SORBS2: variants seen among roughly 807,000 people sequenced by gnomAD.
SORBS2 encodes sorbin and SH3 domain-containing protein 2.
SORBS2 carries 46 observed loss-of-function variants against 97.7 expected under a neutral mutation model. The observed-to-expected ratio is 0.47, with a 90% CI of 0.37 to 0.60. The LOEUF (loss-of-function observed/expected upper bound fraction) is 0.60, where lower values mean the gene tolerates loss of function less well. Among genes scored for constraint, SORBS2 ranks in the 20% least tolerant of loss-of-function variants. The probability of loss-of-function intolerance (pLI) is 0.00; values close to 1 mark genes in which losing one functional copy is unlikely to be tolerated. For missense variants in SORBS2, 1,316 were observed against 1,282.3 expected (o/e 1.03, Z -0.40); for synonymous variants, 476 against 473.4 (o/e 1.01, Z -0.07).
intron 1 of SORBS2, among the ~76,000 whole-genome samples, chr4:185,915,154 T>C (rs1030063871): frequency 1.2e-4 from 18 of 152,254 alleles, no homozygotes; most frequent in African/African-American, 3.9e-4. Flanking sequence ...TAAAACTTTT[T>C]TCGGCCTTTA....
chr4:185,906,075 C>T (rs958836671), intron 1 of SORBS2, among the ~76,000 whole-genome samples: 1 of 152,182 alleles, frequency 6.6e-6, no homozygotes, highest in Non-Finnish European at 1.5e-5. Flanking sequence ...GCTCTGTGGC[C>T]CAGGCTGGAG....
At position 185,809,622 on chromosome 4, in the gene SORBS2, C is replaced by T. The variant is rs528433337; in HGVS notation, c.-337-34256G>A. Among the ~76,000 whole-genome samples, 6 of 152,156 alleles carry T rather than the reference C, an allele frequency of 3.9e-5. No individual in the cohort carries two copies. In the South Asian group the frequency reaches 6.2e-4, roughly 16 times the overall value. ...GAAGGATAGAGATTATGTCTCTGAACCTGGTTCTCAAAATTGTTGAATTAT... is the reference window on the plus strand; with the variant it reads ...GAAGGATAGAGATTATGTCTCTGAATCTGGTTCTCAAAATTGTTGAATTAT... On this transcript the variant is annotated intron_variant, in intron 1 of 20. Transcript: ENST00000284776.
chr4:185,846,515 T>C (rs1291716370), intron 1 of SORBS2, among the ~76,000 whole-genome samples: 1 of 152,146 alleles, frequency 6.6e-6, no homozygotes, highest in African/African-American at 2.4e-5. Context: ...TTATCTGTAC[T>C]CCTAAAAAAG....
intron 2 of SORBS2, among the ~76,000 whole-genome samples, chr4:185,650,502 G>A (rs931576738): frequency 1.3e-5 from 2 of 152,174 alleles, no homozygotes; most frequent in African/African-American, 4.8e-5. Context: ...TGATCAGCTT[G>A]TAGGGCTGTA....
chr4:185,629,842 G>A (rs546195805), intron 5 of SORBS2, among the ~76,000 whole-genome samples: 3 of 152,238 alleles, frequency 2.0e-5, no homozygotes, highest in Admixed American at 2.0e-4. Context: ...TTACAGGCAT[G>A]AGCCACCGTG....
intron 1 of SORBS2, among the ~76,000 whole-genome samples, chr4:185,941,532 C>T (rs2099272005): frequency 6.6e-6 from 1 of 152,194 alleles, no homozygotes; most frequent in Non-Finnish European, 1.5e-5. Context: ...ACCTTTCCAG[C>T]ATTGCTTCTT....
intron 1 of SORBS2, among the ~76,000 whole-genome samples, chr4:185,914,217 T>C (rs370553117): frequency 1.3e-4 from 20 of 152,348 alleles, no homozygotes; most frequent in African/African-American, 4.8e-4. Flanking sequence ...AACAACACTA[T>C]ATTTTTCATT....
intron 12 of SORBS2, among the ~76,000 whole-genome samples, chr4:185,594,499 T>C (rs2096036731): frequency 6.6e-6 from 1 of 152,224 alleles, no homozygotes; most frequent in Non-Finnish European, 1.5e-5. Flanking sequence ...ACATGCATTT[T>C]TAAAAAGAGA....
intron 1 of SORBS2, among the ~76,000 whole-genome samples, chr4:185,894,582 A>T (rs1334095475): frequency 6.6e-6 from 1 of 152,180 alleles, no homozygotes; most frequent in African/African-American, 2.4e-5. Context: ...CAGCCGTGTC[A>T]CAAGCACCCA....
At chr4:185,854,022 A>G (rs2099219377) in intron 1 of SORBS2, among the ~76,000 whole-genome samples, 1 of 152,230 alleles carries the variant, frequency 6.6e-6, no homozygotes, top group Non-Finnish European at 1.5e-5. Context: ...CATCCATTAC[A>G]GTCTTCAAAC....
chr4:185,813,802 C>A (rs1017257756), intron 1 of SORBS2, among the ~76,000 whole-genome samples: 2 of 152,184 alleles, frequency 1.3e-5, no homozygotes, highest in African/African-American at 4.8e-5. Flanking sequence ...ACCTCTTCTG[C>A]GACTCCCCTG....
At chr4:185,934,398 C>A (rs966796189) in intron 1 of SORBS2, among the ~76,000 whole-genome samples, 1 of 152,144 alleles carries the variant, frequency 6.6e-6, no homozygotes, top group Non-Finnish European at 1.5e-5. Context: ...ATAAAGGCAT[C>A]CAATTTGCTT....
intron 1 of SORBS2, among the ~76,000 whole-genome samples, chr4:185,880,237 T>C (rs2099236167): frequency 1.3e-5 from 2 of 152,196 alleles, no homozygotes; most frequent in Admixed American, 6.5e-5. Flanking sequence ...TATACTGTTT[T>C]CAAGGCAACC....
intron 4 of SORBS2, among the ~76,000 whole-genome samples, chr4:185,644,922 AT>A (rs942866736): frequency 6.6e-6 from 1 of 152,194 alleles, no homozygotes; most frequent in Non-Finnish European, 1.5e-5. Flanking sequence ...TTTTAACCAT[AT>A]AAGAGGCTGT....
intron 2 of SORBS2, among the ~76,000 whole-genome samples, chr4:185,696,978 A>C (rs1233404213): frequency 6.6e-6 from 1 of 152,214 alleles, no homozygotes; most frequent in Non-Finnish European, 1.5e-5. Context: ...GCACCTTATC[A>C]AAGAGACATG....
intron 12 of SORBS2, among the ~76,000 whole-genome samples, chr4:185,608,909 A>T (rs1415427221): frequency 6.6e-6 from 1 of 152,052 alleles, no homozygotes; most frequent in Non-Finnish European, 1.5e-5. Flanking sequence ...CTGGGGACTT[A>T]GTGTGTGTGA....
chr4:185,845,258 G>T (rs745580513), intron 1 of SORBS2, among the ~76,000 whole-genome samples: 12 of 152,080 alleles, frequency 7.9e-5, no homozygotes, highest in Admixed American at 7.9e-4. Flanking sequence ...CGGCTCAAGC[G>T]ATCCTCCCAC....
intron 1 of SORBS2, among the ~76,000 whole-genome samples, chr4:185,914,319 C>T (rs936765693): frequency 2.0e-5 from 3 of 152,236 alleles, no homozygotes; most frequent in Non-Finnish European, 4.4e-5. Flanking sequence ...TGCACTGACT[C>T]TTGCCTCAGT....
chr4:185,612,002 T>C (rs759497892), intron 11 of SORBS2, 22 bp from the exon 24 acceptor site: 8 of 1,392,244 alleles, frequency 5.7e-6, no homozygotes, highest in Non-Finnish European at 8.1e-6. Context: ...ATGAGAAAAA[T>C]GCATTAGAAA....
Sources: gnomAD v4.1 joint callset for allele counts (sites outside exome capture counted in the v4.1 genomes callset) on GRCh38, gnomAD v4.1.1 for gene constraint, MANE v1.5 for transcripts, NCBI Gene and HGNC (gene_info 2026-07-23, HGNC 2026-07-21) for gene names.